Variants in NFKBID observed in about 807,000 individuals in gnomAD.
The protein encoded by NFKBID is NFKB inhibitor delta, also known as NF-kappa-B inhibitor delta.
In NFKBID, 26 loss-of-function variants were observed where a neutral mutation model predicts 53.4. The ratio of observed to expected loss-of-function variants is 0.49; its 90% CI spans 0.36 to 0.68. The LOEUF (loss-of-function observed/expected upper bound fraction) is 0.68, where lower values mean the gene tolerates loss of function less well. Among genes scored for constraint, NFKBID ranks in the 30% least tolerant of loss-of-function variants. NFKBID has a pLI of 0.00. For missense variants in NFKBID, 493 were observed against 614.1 expected (o/e 0.80, Z 2.08); for synonymous variants, 262 against 259.8 (o/e 1.01, Z -0.08).
rs1165828750 is a variant in NFKBID at position 35,898,815 on chromosome 19, C to T, written c.69G>A (p.Arg23=). Residue 23 remains arginine (R), a synonymous_variant, in exon 2 of 12, where the codon AGG becomes AGA. Coordinates refer to ENST00000641389, the Ensembl canonical transcript of NFKBID. ...GCGTTGGGCAGTGGCTGCGCTCACC[C>T]CTGCTCACTGTGCGGGAGAGGAGAG... 2.0e-6 allele frequency: 3 copies of T among 1,535,856 alleles called. No homozygotes were observed. The East Asian group carries it at 7.3e-5, about 38-fold the overall frequency.
chr19:35,895,845 G>C, intron 9 of NFKBID, 135 bp downstream of exon 9: 1 of 749,964 alleles, frequency 1.3e-6, no homozygotes, highest in South Asian at 1.8e-5. Flanking sequence ...CTAAGGCACA[G>C]AGAAGTGAAG....
chr19:35,894,952 C>G (rs1041490344), intron 9 of NFKBID, among the ~76,000 whole-genome samples: 5 of 151,808 alleles, frequency 3.3e-5, no homozygotes, highest in African/African-American at 9.7e-5. Context: ...GAGATCACAC[C>G]ATTGCACTCC....
rs761835097 is a variant in NFKBID at position 35,896,246 on chromosome 19, C to G, written c.855G>C (p.Gln285His). 5 of 1,614,250 alleles carry G rather than the reference C, an allele frequency of 3.1e-6. No homozygotes were observed. The Admixed American group carries it at 6.7e-5, about 22-fold the overall frequency. ...CGAAGTCTCTGGCTTCCAGGTCAACCTGGACCCCAGAGTTAAGCACAGCCT... is the reference window on the plus strand; with the variant it reads ...CGAAGTCTCTGGCTTCCAGGTCAACGTGGACCCCAGAGTTAAGCACAGCCT... The change falls in exon 8 of 12, where the codon CAG becomes CAC. Residue 285 changes from glutamine (Q) to histidine (H), a missense_variant. Gln to His is a conservative substitution (Grantham distance 24, BLOSUM62 0). Transcript: ENST00000641389. The surrounding 1 kb of genome is among the most constrained non-coding windows in gnomAD (Gnocchi z 5.7).
chr19:35,890,307 C>T (rs1974668019), intron 10 of NFKBID, 67 bp downstream of exon 10: 1 of 1,134,592 alleles, frequency 8.8e-7, no homozygotes, highest in Non-Finnish European at 1.3e-6. Context: ...CCCCCAGGAC[C>T]CCTAACATCC....
At chr19:35,889,908 G>T (rs534268900) in exon 11 of NFKBID, 6 of 1,609,672 alleles carry the variant, frequency 3.7e-6, no homozygotes, top group Non-Finnish European at 5.1e-6. Flanking sequence ...GGCCCGGCCC[G>T]GGCCGCAGCA....
chr19:35,891,399 T>C (rs755798433), intron 9 of NFKBID, among the ~76,000 whole-genome samples: 1 of 152,046 alleles, frequency 6.6e-6, no homozygotes, highest in Non-Finnish European at 1.5e-5. Context: ...AGATTAAGAG[T>C]GATTTGAAAA....
Position 35,890,201 on chromosome 19 carries a change from C to T in NFKBID, c.1150-147G>A, listed in dbSNP as rs1440309640. Reference sequence around the variant, plus strand: ...CCGGCCACAGCCACGCTGCATGCATCCCTGTGTCCACGGACTACATGTTCT... The same window carrying T: ...CCGGCCACAGCCACGCTGCATGCATTCCTGTGTCCACGGACTACATGTTCT... On this transcript the variant is annotated intron_variant, in intron 10 of 11. Transcript: ENST00000641389. 6.6e-6 allele frequency: 6 copies of T among 915,384 alleles called. No individual in the cohort carries two copies. In the East Asian group the frequency reaches 1.6e-4, roughly 24 times the overall value. 56.7% of individuals were successfully genotyped at this position (915,384 alleles called of 1,614,324 possible).
upstream of NFKBID, chr19:35,902,071 C>CAGGAGTT: frequency 7.4e-6 from 5 of 672,212 alleles, no homozygotes; most frequent in Non-Finnish European, 1.4e-5. Context: ...TCCAGACCAG[C>CAGGAGTT]CTTATCCCCT....
upstream of NFKBID, chr19:35,900,757 C>A: frequency 1.6e-6 from 1 of 644,366 alleles, no homozygotes; most frequent in Non-Finnish European, 2.2e-6. Flanking sequence ...CCTAGGGCAC[C>A]GGGCTCCAAG....
Position 35,896,312 on chromosome 19 carries a change from T to C in NFKBID, c.832-43A>G. The C allele has an allele frequency of 6.2e-7, 1 of 1,613,944 alleles. No individual in the cohort carries two copies. Among genetic ancestry groups the C allele is most frequent in the South Asian group, 1.1e-5 (1 of 91,080 alleles). On this transcript the variant is annotated intron_variant, in intron 7 of 11. Transcript: ENST00000641389. This position sits in a 1 kb window ranked among gnomAD's most constrained non-coding sequence, Gnocchi z 5.7. ...CAGACTGCTGGGTAAGGGTATCCCC[T>C]GGCCTCCTGGCCCTGGAAGCCAAAA... is the stretch of plus-strand genomic sequence containing the variant.
chr19:35,893,499 T>C (rs1974920283), intron 9 of NFKBID, among the ~76,000 whole-genome samples: 1 of 152,130 alleles, frequency 6.6e-6, no homozygotes, highest in East Asian at 1.9e-4. Flanking sequence ...TTGAAAAAAA[T>C]ACATGTTGGA....
intron 1 of NFKBID, among the ~76,000 whole-genome samples, chr19:35,899,141 T>TA (rs1975398529): frequency 6.6e-6 from 1 of 152,094 alleles, no homozygotes; most frequent in South Asian, 2.1e-4. Context: ...CACCCCCAGA[T>TA]ATCCAAGTTT....
At chr19:35,894,557 G>A (rs1319615954) in intron 9 of NFKBID, among the ~76,000 whole-genome samples, 1 of 152,070 alleles carries the variant, frequency 6.6e-6, no homozygotes, top group African/African-American at 2.4e-5. Flanking sequence ...AAGTTGCCAC[G>A]CATGGTGGTG....
chr19:35,897,277 CAG>C (rs1486299752), intron 4 of NFKBID, among the ~76,000 whole-genome samples: 1 of 151,144 alleles, frequency 6.6e-6, no homozygotes, highest in South Asian at 2.1e-4. Context: ...TTTTCGGTGA[CAG>C]AGTCTTGCTC....
At chr19:35,888,292 G>A in exon 12 of NFKBID, 8 of 481,140 alleles carry the variant, frequency 1.7e-5, no homozygotes, top group South Asian at 1.6e-4. Flanking sequence ...AAGGACTAGG[G>A]GTGCAGGGTG....
exon 1 of NFKBID, chr19:35,900,644 C>T (rs1975511863): frequency 8.1e-7 from 1 of 1,228,814 alleles, no homozygotes; most frequent in Admixed American, 4.2e-5. Flanking sequence ...GGTCGCGCTC[C>T]GGCGAACGCA....
chr19:35,900,406 T>A, intron 1 of NFKBID, 36 bp downstream of exon 1: 1 of 1,225,140 alleles, frequency 8.2e-7, no homozygotes, highest in Non-Finnish European at 1.0e-6. Context: ...CCTCACTCTC[T>A]TAGGGGGCCG....
chr19:35,896,146 T>C lies in NFKBID; in HGVS notation c.884-18A>G, dbSNP rs779864320. 3.7e-6 allele frequency: 6 copies of C among 1,613,872 alleles called. No individual in the cohort carries two copies. In the South Asian group the frequency reaches 6.6e-5, roughly 18 times the overall value. On this transcript the variant is annotated intron_variant, in intron 8 of 11. Transcript: ENST00000641389. This position sits in a 1 kb window ranked among gnomAD's most constrained non-coding sequence, Gnocchi z 5.7. ...GGTGAGGCCTGCAGAATGGAGACAG[T>C]GAGGGACCCGCATCTGCACCCACCT...
At chr19:35,898,805 T>G in exon 2 of NFKBID, 1 of 1,536,022 alleles carries the variant, frequency 6.5e-7, no homozygotes, top group Non-Finnish European at 8.7e-7. Flanking sequence ...GGGCAGTGGC[T>G]GCGCTCACCC....
Sources: gnomAD v4.1 joint callset for allele counts (sites outside exome capture counted in the v4.1 genomes callset) on GRCh38, gnomAD v4.1.1 for gene constraint, Gnocchi (gnomAD v3.1) non-coding constraint, MANE v1.5 for transcripts, NCBI Gene and HGNC (gene_info 2026-07-23, HGNC 2026-07-21) for gene names.